DCLK1: variants seen among roughly 807,000 people sequenced by gnomAD.
The protein encoded by DCLK1 is serine/threonine-protein kinase DCLK1.
In DCLK1, 16 loss-of-function variants were observed where a neutral mutation model predicts 86.2. The ratio of observed to expected loss-of-function variants is 0.19; its 90% CI spans 0.13 to 0.28. DCLK1 has a LOEUF of 0.28. DCLK1 is among the 10% of genes least tolerant of loss of function. The pLI is 1.00. For missense variants in DCLK1, 590 were observed against 940.2 expected, an observed-to-expected ratio of 0.63 and a Z score of 4.87; for synonymous variants, 369 against 370.5, an observed-to-expected ratio of 1.00 and a Z score of 0.05.
intron 16 of DCLK1, among the ~76,000 whole-genome samples, chr13:35,781,030 G>A (rs150811069): frequency 2.0e-5 from 3 of 152,262 alleles, no homozygotes; most frequent in African/African-American, 2.4e-5. Flanking sequence ...TAAATCCTTC[G>A]TTCTGACATT....
chr13:35,920,565 G>A (rs1035417358), intron 4 of DCLK1, among the ~76,000 whole-genome samples: 4 of 152,158 alleles, frequency 2.6e-5, no homozygotes, highest in African/African-American at 7.2e-5. Flanking sequence ...CGGGGGTTGT[G>A]GAGGAAACCA....
chr13:35,843,266 C>T (rs1869944457), intron 6 of DCLK1, among the ~76,000 whole-genome samples: 1 of 152,120 alleles, frequency 6.6e-6, no homozygotes, highest in South Asian at 2.1e-4. Context: ...GGGCAATTAG[C>T]TGCTCTGAGA....
At chr13:36,037,130 T>G (rs1882531410) in intron 3 of DCLK1, among the ~76,000 whole-genome samples, 2 of 152,010 alleles carry the variant, frequency 1.3e-5, no homozygotes, top group African/African-American at 2.4e-5. Flanking sequence ...ATAAGTGAAA[T>G]AAACCAAATG....
At chr13:35,986,100 G>T (rs151213187) in intron 3 of DCLK1, among the ~76,000 whole-genome samples, 2 of 151,818 alleles carry the variant, frequency 1.3e-5, no homozygotes, top group African/African-American at 4.8e-5. Context: ...TCAGGAGTTC[G>T]AGACCAGCCT....
rs9593734 is a variant in DCLK1 at position 36,065,361 on chromosome 13, A to T, written c.723+46508T>A. Reference sequence around the variant, plus strand: ...GTTAGCTGGTATTCCAGTGACTTGGAATTTGGGTAATTCTTCCTATAGGAT... The same window carrying T: ...GTTAGCTGGTATTCCAGTGACTTGGTATTTGGGTAATTCTTCCTATAGGAT... On this transcript the variant is annotated intron_variant, in intron 3 of 16. Transcript: ENST00000360631. Among the ~76,000 whole-genome samples the T allele has an allele frequency of 8.5e-3, 1,295 of 152,314 alleles. 10 individuals are homozygous for T. Among genetic ancestry groups the T allele is most frequent in the Non-Finnish European group, 0.015 (1,017 of 68,024 alleles).
intron 2 of DCLK1, among the ~76,000 whole-genome samples, chr13:36,121,312 C>CT (rs1421634707): frequency 6.6e-6 from 1 of 152,292 alleles, no homozygotes; most frequent in East Asian, 1.9e-4. Context: ...TACTGCCCCA[C>CT]TTTATCCATG....
Position 35,892,577 on chromosome 13 carries a change from G to A in DCLK1, c.824-21237C>T, listed in dbSNP as rs148724292. 1.1e-3 allele frequency among the ~76,000 whole-genome samples: 173 copies of A among 152,312 alleles called. 1 individual carries two copies. Among genetic ancestry groups the A allele is most frequent in the African/African-American group, 4.0e-3 (165 of 41,552 alleles). ...GCGAATTAGATGTTAGTTTCCAGTA[G>A]AAAGTGATCAGATAATTAAACAAAA... On this transcript the variant is annotated intron_variant, in intron 4 of 16. Coordinates refer to ENST00000360631, the MANE Select transcript of DCLK1 (RefSeq NM_001330071.2).
At chr13:35,830,685 C>G (rs1051460866) in intron 8 of DCLK1, among the ~76,000 whole-genome samples, 1 of 152,178 alleles carries the variant, frequency 6.6e-6, no homozygotes, top group Non-Finnish European at 1.5e-5. Context: ...CATTGGATGG[C>G]AGGGAATCTA....
At chr13:35,882,175 C>T (rs149165626) in intron 4 of DCLK1, among the ~76,000 whole-genome samples, 1 of 152,122 alleles carries the variant, frequency 6.6e-6, no homozygotes, top group Non-Finnish European at 1.5e-5. Flanking sequence ...TTTCTGGTGA[C>T]TCCAGGCATT....
intron 6 of DCLK1, chr13:35,846,887 A>G: frequency 1.0e-6 from 1 of 985,356 alleles, no homozygotes; most frequent in Non-Finnish European, 1.2e-6. Flanking sequence ...TCAACAGTTT[A>G]GAGTTTTGAA....
At position 36,131,364 on chromosome 13, in the gene DCLK1, TC is replaced by T; in HGVS notation, c.-271del. On this transcript the variant is annotated 5_prime_UTR_variant, in exon 1 of 17. Coordinates refer to ENST00000360631, the MANE Select transcript of DCLK1 (RefSeq NM_001330071.2). ...GCACAGCCTCACTCCAGCCTCTCTC[TC>T]CAGAGGAGGGCGGCGGCGGCGGCGG... The T allele has an allele frequency of 5.2e-6, 1 of 193,012 alleles. No homozygotes were observed. The highest frequency in any genetic ancestry group is 6.3e-5 in the Admixed American group (1 of 15,862). The allele number at this position is 193,012 out of a possible 1,614,324, so 12.0% of individuals were successfully genotyped here. A position where few individuals can be genotyped will look rare whatever the true frequency, so the allele number is the denominator to read the frequency against.
At chr13:36,027,295 T>C (rs553715165) in intron 3 of DCLK1, among the ~76,000 whole-genome samples, 3 of 152,180 alleles carry the variant, frequency 2.0e-5, no homozygotes, top group Non-Finnish European at 2.9e-5. Context: ...CATTTCACAA[T>C]AGGGTTCACA....
chr13:35,885,955 G>A (rs527650002), intron 4 of DCLK1, among the ~76,000 whole-genome samples: 2 of 151,368 alleles, frequency 1.3e-5, no homozygotes, highest in African/African-American at 4.9e-5. Context: ...TATAGTAGCA[G>A]AAGTTCTCTT....
chr13:36,017,087 C>T (rs913119354), intron 3 of DCLK1, among the ~76,000 whole-genome samples: 3 of 152,170 alleles, frequency 2.0e-5, no homozygotes, highest in South Asian at 4.1e-4. Context: ...GATAAAATAA[C>T]ACATGAATCC....
chr13:35,890,985 T>A (rs956623041), intron 4 of DCLK1, among the ~76,000 whole-genome samples: 1 of 152,036 alleles, frequency 6.6e-6, no homozygotes, highest in African/African-American at 2.4e-5. Context: ...TCCCTTTGTC[T>A]CCTAATTTTA....
rs1886156251 is a variant in DCLK1 at position 36,125,876 on chromosome 13, G to C, written c.262C>G (p.Leu88Val). ...GACAGAGTTCGGGTCAAATCAGCCA[G>C]CAGGGCCTCAAAAGATCGGAACCGG... ...PDRFRSFEAL[L>V]ADLTRTLSDN... The change falls in exon 2 of 17, where the codon CTG becomes GTG. Residue 88 changes from leucine to valine, a missense_variant. This residue lies in a region of DCLK1 where 195 missense variants were observed against 365.1 expected (regional missense o/e 0.53). Coordinates refer to ENST00000360631, the MANE Select transcript of DCLK1 (RefSeq NM_001330071.2). 3 of 1,614,220 alleles carry C rather than the reference G, an allele frequency of 1.9e-6. No individual in the cohort carries two copies. Among genetic ancestry groups the C allele is most frequent in the Non-Finnish European group, 2.5e-6 (3 of 1,180,048 alleles).
chr13:35,957,327 C>T (rs1238287862), intron 3 of DCLK1, among the ~76,000 whole-genome samples: 1 of 152,120 alleles, frequency 6.6e-6, no homozygotes, highest in Non-Finnish European at 1.5e-5. Context: ...GTGTTTAAAG[C>T]AACTCATTGT....
chr13:35,800,982 C>T (rs1411381265), intron 15 of DCLK1, among the ~76,000 whole-genome samples: 1 of 152,002 alleles, frequency 6.6e-6, no homozygotes, highest in Non-Finnish European at 1.5e-5. Context: ...CCACGGCCTC[C>T]CAGAGTGCTG....
intron 3 of DCLK1, among the ~76,000 whole-genome samples, chr13:35,967,563 A>G (rs1878839065): frequency 6.6e-6 from 1 of 152,210 alleles, no homozygotes; most frequent in Non-Finnish European, 1.5e-5. Context: ...TGCTGTGTCC[A>G]CTAAGGGTTA....
Sources: gnomAD v4.1 joint callset for allele counts (sites outside exome capture counted in the v4.1 genomes callset) on GRCh38, gnomAD v4.1.1 for gene constraint, gnomAD v4.1.1 regional missense constraint, MANE v1.5 for transcripts, NCBI Gene and HGNC (gene_info 2026-07-23, HGNC 2026-07-21) for gene names.